ZFAT: variants seen among roughly 807,000 people sequenced by gnomAD.
The protein encoded by ZFAT is zinc finger protein ZFAT.
A neutral mutation model predicts 117.7 loss-of-function variants in ZFAT; 64 were observed. That is an observed-to-expected ratio of 0.54 (90% CI 0.44 to 0.67). The LOEUF is 0.67. Among genes scored for constraint, ZFAT ranks in the 30% least tolerant of loss-of-function variants. The pLI, the probability that ZFAT is intolerant of heterozygous loss-of-function variation, is 0.00. For missense variants in ZFAT, 1,433 were observed against 1,584.5 expected, an observed-to-expected ratio of 0.90 and a Z score of 1.62; for synonymous variants, 679 against 615.0, an observed-to-expected ratio of 1.10 and a Z score of -1.54.
At chr8:134,553,575 G>A (rs1823346863) in intron 11 of ZFAT, among the ~76,000 whole-genome samples, 1 of 152,200 alleles carries the variant, frequency 6.6e-6, no homozygotes, top group African/African-American at 2.4e-5. Context: ...GAATATGACT[G>A]TGTGAACAAA....
chr8:134,603,612 A>C (rs1827675748), intron 5 of ZFAT, among the ~76,000 whole-genome samples: 2 of 152,206 alleles, frequency 1.3e-5, no homozygotes. Context: ...ACTTCTTCCC[A>C]AGAAAAGAGA....
At chr8:134,498,108 T>C (rs78251267) in intron 15 of ZFAT, among the ~76,000 whole-genome samples, 14 of 26,198 alleles carry the variant, frequency 5.3e-4, no homozygotes, top group South Asian at 1.7e-3. Context: ...GATGCCCCCG[T>C]TGCTGGTTAC....
chr8:134,587,336 C>G (rs1586759420), intron 9 of ZFAT, among the ~76,000 whole-genome samples: 1 of 152,190 alleles, frequency 6.6e-6, no homozygotes, highest in South Asian at 2.1e-4. Flanking sequence ...TATCTCAACT[C>G]CTTCTGCCTT....
At chr8:134,577,912 G>A (rs1825426615) in intron 10 of ZFAT, among the ~76,000 whole-genome samples, 1 of 152,106 alleles carries the variant, frequency 6.6e-6, no homozygotes, top group South Asian at 2.1e-4. Context: ...AGCACAGGAA[G>A]CCACGGGCGT....
At chr8:134,778,341 G>C in the ZFAT span, among the ~76,000 whole-genome samples, 22 of 152,156 alleles carry the variant, frequency 1.4e-4, no homozygotes, top group Admixed American at 7.2e-4. Context: ...CTGCATTCTG[G>C]GAAGTATGTC....
chr8:134,579,272 C>T lies in ZFAT; in HGVS notation c.2887+4560G>A, dbSNP rs573624326. Among the ~76,000 whole-genome samples the T allele has an allele frequency of 2.6e-5, 4 of 152,316 alleles. No homozygotes were observed. The East Asian group carries it at 7.7e-4, about 29-fold the overall frequency. On this transcript the variant is annotated intron_variant, in intron 10 of 15. Transcript: ENST00000377838. ...CCTTCTGTATTAGTCCGTTTTCAAA[C>T]TGCTGATAAAGACATACCTGAGTCT...
At chr8:134,504,508 G>T (rs1009405143) in intron 15 of ZFAT, among the ~76,000 whole-genome samples, 6 of 152,140 alleles carry the variant, frequency 3.9e-5, no homozygotes, top group African/African-American at 1.4e-4. Flanking sequence ...CAAGACAAAT[G>T]TCAGTGACAG....
At chr8:134,613,178 TGATATGCCAG>T (rs1048160975) in intron 3 of ZFAT, among the ~76,000 whole-genome samples, 2 of 152,142 alleles carry the variant, frequency 1.3e-5, no homozygotes, top group African/African-American at 4.8e-5. Context: ...AATATGTGGG[TGATATGCCAG>T]GAACAGATTT....
intron 15 of ZFAT, among the ~76,000 whole-genome samples, chr8:134,500,498 T>C (rs1346907329): frequency 6.6e-6 from 1 of 152,236 alleles, no homozygotes; most frequent in Non-Finnish European, 1.5e-5. Context: ...ATTTCTCATA[T>C]GGCCACAGAT....
chr8:134,735,284 G>A, the ZFAT span, among the ~76,000 whole-genome samples: 1 of 152,160 alleles, frequency 6.6e-6, no homozygotes, highest in Admixed American at 6.5e-5. Flanking sequence ...TGAAAGGGTT[G>A]TGTGACCCTT....
At chr8:134,560,968 C>T (rs1563849784) in intron 11 of ZFAT, among the ~76,000 whole-genome samples, 1 of 152,244 alleles carries the variant, frequency 6.6e-6, no homozygotes. Context: ...AATATCAGTT[C>T]CATCCTAGGG....
At chr8:134,559,595 A>G (rs547162246) in intron 11 of ZFAT, among the ~76,000 whole-genome samples, 1 of 152,354 alleles carries the variant, frequency 6.6e-6, no homozygotes, top group South Asian at 2.1e-4. Context: ...ATTTTGACAG[A>G]TTCTGCCAAA....
rs147394676 is a variant in ZFAT, at chr8:134,571,155, A to T, written c.2888-5734T>A. On this transcript the variant is annotated intron_variant, in intron 10 of 15. Coordinates refer to ENST00000377838, the MANE Select transcript of ZFAT (RefSeq NM_020863.4). ...CCTCTGGCACTCATCACCTAAATGG[A>T]CAACCAGCAAGTAGTCCAACAAATA... Among the ~76,000 whole-genome samples the T allele has an allele frequency of 5.3e-3, 810 of 152,326 alleles. 13 individuals carry two copies. Among genetic ancestry groups the T allele is most frequent in the African/African-American group, 0.018 (769 of 41,574 alleles).
the ZFAT span, among the ~76,000 whole-genome samples, chr8:134,757,009 CTT>C: frequency 0.016 from 1,319 of 81,210 alleles, 12 homozygotes; most frequent in African/African-American, 0.062. Context: ...ACCTTCTTTC[CTT>C]TTTTTTTTTT....
rs564931708 is a variant in ZFAT, at chr8:134,646,336, G to A, written c.197-8624C>T. Among the ~76,000 whole-genome samples, 33 of 152,170 alleles carry A rather than the reference G, an allele frequency of 2.2e-4. No homozygotes were observed. In the South Asian group the frequency reaches 6.7e-3, roughly 31 times the overall value. ...CTTAAATAGCCATTGGGCCAAAAAG[G>A]AAATCATAAGGGAAATTAGAAATAC... is the stretch of plus-strand genomic sequence containing the variant. On this transcript the variant is annotated intron_variant, in intron 2 of 15. Coordinates refer to ENST00000377838, the MANE Select transcript of ZFAT (RefSeq NM_020863.4).
At chr8:134,571,452 A>T (rs1824893381) in intron 10 of ZFAT, among the ~76,000 whole-genome samples, 1 of 152,226 alleles carries the variant, frequency 6.6e-6, no homozygotes, top group South Asian at 2.1e-4. Flanking sequence ...GACTTCTGTG[A>T]CCTCAAATGA....
chr8:134,513,755 A>G (rs1820037096), intron 13 of ZFAT, among the ~76,000 whole-genome samples: 1 of 152,232 alleles, frequency 6.6e-6, no homozygotes, highest in South Asian at 2.1e-4. Flanking sequence ...CAAAATCTAC[A>G]GGTGCCAAGT....
intron 7 of ZFAT, among the ~76,000 whole-genome samples, chr8:134,593,965 C>G (rs1826722422): frequency 6.6e-6 from 1 of 152,206 alleles, no homozygotes; most frequent in South Asian, 2.1e-4. Flanking sequence ...GAAAGTGCAG[C>G]AAAGCACAGG....
chr8:134,579,823 T>C (rs1473983526), intron 10 of ZFAT, among the ~76,000 whole-genome samples: 1 of 151,886 alleles, frequency 6.6e-6, no homozygotes, highest in East Asian at 1.9e-4. Flanking sequence ...TGGTGGCACA[T>C]GCCTGTAATC....
Sources: gnomAD v4.1 joint callset for allele counts (sites outside exome capture counted in the v4.1 genomes callset) on GRCh38, gnomAD v4.1.1 for gene constraint, MANE v1.5 for transcripts, NCBI Gene and HGNC (gene_info 2026-07-23, HGNC 2026-07-21) for gene names.